The following CPNE4 variants were observed in gnomAD, a reference collection of about 807,000 sequenced individuals.
The protein encoded by CPNE4 is copine 4.
A neutral mutation model predicts 67.9 loss-of-function variants in CPNE4; 25 were observed. That is an observed-to-expected ratio of 0.37 (90% CI 0.27 to 0.51). The LOEUF is 0.51. Among genes scored for constraint, CPNE4 ranks in the 20% least tolerant of loss-of-function variants. The pLI is 0.93. For synonymous variants in CPNE4, 242 were observed against 244.9 expected, an observed-to-expected ratio of 0.99 and a Z score of 0.11; for missense variants, 464 against 690.8, an observed-to-expected ratio of 0.67 and a Z score of 3.68.
At chr3:132,025,857 CT>C (rs2074104157) in intron 1 of CPNE4, among the ~76,000 whole-genome samples, 1 of 152,218 alleles carries the variant, frequency 6.6e-6, no homozygotes. Flanking sequence ...TCTTACCTAC[CT>C]ACATACAACA....
At chr3:132,023,333 C>G (rs1166916721) in intron 1 of CPNE4, among the ~76,000 whole-genome samples, 2 of 152,184 alleles carry the variant, frequency 1.3e-5, no homozygotes, top group African/African-American at 4.8e-5. Context: ...CTTTTATGAG[C>G]TGTTATCTTC....
chr3:131,795,879 C>T (rs2083905267), intron 2 of CPNE4, among the ~76,000 whole-genome samples: 1 of 152,172 alleles, frequency 6.6e-6, no homozygotes, highest in Non-Finnish European at 1.5e-5. Context: ...TCCCTTTTCT[C>T]CTCCCTTGAA....
At chr3:131,887,512 G>A (rs1245889578) in intron 2 of CPNE4, among the ~76,000 whole-genome samples, 1 of 152,160 alleles carries the variant, frequency 6.6e-6, no homozygotes, top group African/African-American at 2.4e-5. Flanking sequence ...AGGCTGTATT[G>A]TGAGGAATCA....
At chr3:131,819,394 G>A (rs2084869294) in intron 2 of CPNE4, among the ~76,000 whole-genome samples, 1 of 152,022 alleles carries the variant, frequency 6.6e-6, no homozygotes, top group East Asian at 1.9e-4. Flanking sequence ...TAATTAAGGA[G>A]GACAAATAAG....
intron 1 of CPNE4, among the ~76,000 whole-genome samples, chr3:131,941,590 G>A (rs570737649): frequency 2.3e-4 from 35 of 152,114 alleles, no homozygotes; most frequent in Non-Finnish European, 3.4e-4. Flanking sequence ...ATGCCATGCA[G>A]CACATCTGTT....
intron 10 of CPNE4, among the ~76,000 whole-genome samples, chr3:131,572,590 G>T (rs1255555153): frequency 6.6e-6 from 1 of 152,020 alleles, no homozygotes; most frequent in East Asian, 1.9e-4. Flanking sequence ...GGCACAGAAG[G>T]GAGAGTGGAG....
chr3:131,973,705 T>C (rs2072566651), intron 1 of CPNE4, among the ~76,000 whole-genome samples: 1 of 152,202 alleles, frequency 6.6e-6, no homozygotes, highest in African/African-American at 2.4e-5. Context: ...AATGTATCCA[T>C]TCCAAAGAAA....
At chr3:131,622,866 T>G (rs994974865) in intron 7 of CPNE4, among the ~76,000 whole-genome samples, 2 of 152,206 alleles carry the variant, frequency 1.3e-5, no homozygotes, top group African/African-American at 4.8e-5. Context: ...CTGTCCGTGA[T>G]TCTGAAAGTA....
intron 3 of CPNE4, among the ~76,000 whole-genome samples, chr3:131,705,366 G>A (rs1029868475): frequency 6.6e-6 from 1 of 152,166 alleles, no homozygotes; most frequent in Non-Finnish European, 1.5e-5. Context: ...GTGCTCTGCA[G>A]GCACATTGAT....
chr3:131,719,903 G>A (rs546378600), intron 3 of CPNE4, among the ~76,000 whole-genome samples: 245 of 152,292 alleles, frequency 1.6e-3, no homozygotes, highest in African/African-American at 5.5e-3. Context: ...CTGGACACAC[G>A]CCTACCTCTA....
At chr3:131,839,489 G>A (rs2085689237) in intron 2 of CPNE4, among the ~76,000 whole-genome samples, 1 of 151,004 alleles carries the variant, frequency 6.6e-6, no homozygotes, top group Non-Finnish European at 1.5e-5. Context: ...TAATAGTGTT[G>A]ATAAACATTT....
intron 1 of CPNE4, among the ~76,000 whole-genome samples, chr3:132,004,168 A>G (rs990530640): frequency 2.0e-5 from 3 of 149,234 alleles, no homozygotes; most frequent in African/African-American, 7.3e-5. Flanking sequence ...CTCTTCTGTG[A>G]AAATTACAAA....
intron 7 of CPNE4, among the ~76,000 whole-genome samples, chr3:131,620,074 C>G (rs1004062485): frequency 6.6e-6 from 1 of 152,190 alleles, no homozygotes; most frequent in South Asian, 2.1e-4. Flanking sequence ...CTGCCAGGCT[C>G]TCTCGGGTGT....
At chr3:131,903,568 T>C (rs1378616717) in intron 2 of CPNE4, among the ~76,000 whole-genome samples, 1 of 152,036 alleles carries the variant, frequency 6.6e-6, no homozygotes, top group African/African-American at 2.4e-5. Flanking sequence ...AAAATAGCAA[T>C]AAAGATCTCA....
At position 131,613,646 on chromosome 3, in the gene CPNE4, G is replaced by A. The variant is rs143306700; in HGVS notation, c.682-26064C>T. Among the ~76,000 whole-genome samples the A allele has an allele frequency of 3.9e-3, 592 of 152,298 alleles. 5 individuals are homozygous for A. Among genetic ancestry groups the A allele is most frequent in the African/African-American group, 0.013 (535 of 41,552 alleles). Reference sequence around the variant, plus strand: ...ACCTAAGTATTGCTTTGGCATGTGAGTCAAAAGGGAATTTGTAAGCAACCT... The same window carrying A: ...ACCTAAGTATTGCTTTGGCATGTGAATCAAAAGGGAATTTGTAAGCAACCT... On this transcript the variant is annotated intron_variant, in intron 7 of 15. Transcript: ENST00000429747.
intron 3 of CPNE4, 74 bp from the exon 4 acceptor site, chr3:131,700,054 CTTTTTTTT>C (rs3035263): frequency 2.3e-4 from 58 of 254,674 alleles, no homozygotes; most frequent in East Asian, 4.0e-4. Flanking sequence ...TTTTTTAAAC[CTTTTTTTT>C]TTTTTTTTTT....
At chr3:131,920,553 A>G (rs1197747401) in intron 1 of CPNE4, among the ~76,000 whole-genome samples, 3 of 152,220 alleles carry the variant, frequency 2.0e-5, no homozygotes, top group African/African-American at 7.2e-5. Flanking sequence ...CTGATGACAG[A>G]TATCTTGGGT....
intron 5 of CPNE4, among the ~76,000 whole-genome samples, chr3:131,693,601 T>C (rs749401100): frequency 1.3e-5 from 2 of 152,180 alleles, no homozygotes; most frequent in Non-Finnish European, 2.9e-5. Context: ...CCACTTTACA[T>C]GTGTGAGAGA....
intron 2 of CPNE4, among the ~76,000 whole-genome samples, chr3:131,758,789 C>T (rs1463438792): frequency 6.6e-6 from 1 of 152,098 alleles, no homozygotes; most frequent in Non-Finnish European, 1.5e-5. Flanking sequence ...CTTTCCCATG[C>T]TATTCTCGTG....
Sources: allele counts gnomAD v4.1 joint callset (sites outside exome capture counted in the v4.1 genomes callset), GRCh38; gene constraint gnomAD v4.1.1; transcripts MANE v1.5; gene names NCBI Gene and HGNC (gene_info 2026-07-23, HGNC 2026-07-21).